LRFN2: variants seen among roughly 807,000 people sequenced by gnomAD.
LRFN2 encodes leucine rich repeat and fibronectin type III domain containing 2.
In LRFN2, 18 loss-of-function variants were observed where a neutral mutation model predicts 37.3. The ratio of observed to expected loss-of-function variants is 0.48; its 90% CI spans 0.33 to 0.72. The LOEUF is 0.72. LRFN2 is among the 30% of genes least tolerant of loss of function. The pLI is 0.02. For missense variants in LRFN2, 1,006 were observed against 1,060.7 expected (o/e 0.95, Z 0.72); for synonymous variants, 556 against 466.6 (o/e 1.19, Z -2.47).
intron 1 of LRFN2, among the ~76,000 whole-genome samples, chr6:40,497,172 T>C (rs1434103646): frequency 6.6e-6 from 1 of 152,190 alleles, no homozygotes; most frequent in African/African-American, 2.4e-5. Flanking sequence ...CTAAGTCCGT[T>C]TGCCTTCTGC....
At chr6:40,547,105 CT>C (rs71307603) in intron 1 of LRFN2, among the ~76,000 whole-genome samples, 4,977 of 139,272 alleles carry the variant, frequency 0.036, 221 homozygotes, top group African/African-American at 0.11. Context: ...TAATGCAAAT[CT>C]TTTTTTTTTT....
chr6:40,468,894 G>A (rs1487655864), intron 1 of LRFN2, among the ~76,000 whole-genome samples: 1 of 152,204 alleles, frequency 6.6e-6, no homozygotes, highest in African/African-American at 2.4e-5. Flanking sequence ...GTGGCATGCA[G>A]GGGACAGGAG....
chr6:40,426,625 A>G (rs191999272), intron 2 of LRFN2, among the ~76,000 whole-genome samples: 2 of 152,324 alleles, frequency 1.3e-5, no homozygotes, highest in African/African-American at 4.8e-5. Flanking sequence ...GCCAATGCCT[A>G]CTTCCATGCA....
At chr6:40,427,282 G>A (rs1407224631) in intron 2 of LRFN2, among the ~76,000 whole-genome samples, 1 of 152,218 alleles carries the variant, frequency 6.6e-6, no homozygotes, top group African/African-American at 2.4e-5. Context: ...TAATCAGTCT[G>A]GTTATTTGAC....
At chr6:40,428,969 A>G (rs1763416306) in intron 2 of LRFN2, among the ~76,000 whole-genome samples, 1 of 152,088 alleles carries the variant, frequency 6.6e-6, no homozygotes, top group African/African-American at 2.4e-5. Context: ...CACTGCTACT[A>G]CTCTGCTACT....
At chr6:40,538,060 C>T (rs2436749) in intron 1 of LRFN2, among the ~76,000 whole-genome samples, 4,256 of 152,264 alleles carry the variant, frequency 0.028, 213 homozygotes, top group African/African-American at 0.097. Flanking sequence ...CAATCACCAA[C>T]GCTCGCCTTG....
chr6:40,561,591 AAG>A (rs1474969521), intron 1 of LRFN2, among the ~76,000 whole-genome samples: 1 of 152,182 alleles, frequency 6.6e-6, no homozygotes, highest in Non-Finnish European at 1.5e-5. Flanking sequence ...CTAGGGAGCA[AAG>A]AGATTCACTG....
In LRFN2 at chr6:40,392,755, G is replaced by T; in HGVS notation, c.1558C>A (p.Pro520Thr). 6.2e-7 allele frequency: 1 copy of T among 1,614,154 alleles called. No individual in the cohort carries two copies. Among genetic ancestry groups the T allele is most frequent in the Non-Finnish European group, 8.5e-7 (1 of 1,180,002 alleles). The change falls in exon 3 of 3, where the codon CCG becomes ACG. Residue 520 changes from proline to threonine, a missense_variant. Pro to Thr is a conservative substitution (Grantham distance 38, BLOSUM62 -1). Around this residue, in one of 4 missense-constraint regions of LRFN2, gnomAD observed 120 missense variants for 178.4 expected, o/e 0.67. Transcript: ENST00000338305. This position sits in a 1 kb window ranked among gnomAD's most constrained non-coding sequence, Gnocchi z 4.7. ...CAQFFTKADYPQCQSMHSQIL... is the reference protein window; with the variant it reads ...CAQFFTKADYTQCQSMHSQIL... ...TGGCTGTGCATGGACTGGCACTGCG[G>T]GTAGTCAGCCTTGGTGAAGAACTGG...
At chr6:40,464,127 T>C (rs1437137973) in intron 1 of LRFN2, among the ~76,000 whole-genome samples, 1 of 152,214 alleles carries the variant, frequency 6.6e-6, no homozygotes, top group Non-Finnish European at 1.5e-5. Flanking sequence ...TTTACCACAC[T>C]GCATTATAAT....
chr6:40,402,049 C>G (rs1229527899), intron 2 of LRFN2, among the ~76,000 whole-genome samples: 1 of 152,166 alleles, frequency 6.6e-6, no homozygotes, highest in East Asian at 1.9e-4. Flanking sequence ...GCCAAGCAGC[C>G]CTTACTCCCA....
chr6:40,548,296 CT>C (rs769002530), intron 1 of LRFN2, among the ~76,000 whole-genome samples: 12 of 152,122 alleles, frequency 7.9e-5, no homozygotes, highest in Non-Finnish European at 1.3e-4. Context: ...AAAAAATTAG[CT>C]GGACATGGTG....
chr6:40,437,224 T>G (rs1198930948), intron 1 of LRFN2, among the ~76,000 whole-genome samples: 1 of 152,090 alleles, frequency 6.6e-6, no homozygotes, highest in African/African-American at 2.4e-5. Context: ...TCCCTCCAGA[T>G]CCTCTCTCCA....
chr6:40,582,367 G>A (rs1417515), intron 1 of LRFN2, among the ~76,000 whole-genome samples: 71,854 of 151,162 alleles, frequency 0.48, 17,630 homozygotes, highest in African/African-American at 0.58. Context: ...TTGCAATCTC[G>A]TATGTTTTTG....
At chr6:40,514,554 A>G (rs561781831) in intron 1 of LRFN2, among the ~76,000 whole-genome samples, 1 of 152,260 alleles carries the variant, frequency 6.6e-6, no homozygotes, top group South Asian at 2.1e-4. Flanking sequence ...ACCTCAGGTG[A>G]TCTGCCCGCC....
intron 1 of LRFN2, among the ~76,000 whole-genome samples, chr6:40,541,004 T>C (rs968793685): frequency 1.3e-5 from 2 of 152,220 alleles, no homozygotes; most frequent in Non-Finnish European, 2.9e-5. Context: ...TATGCTGTTA[T>C]GCTGTGGCCC....
intron 1 of LRFN2, among the ~76,000 whole-genome samples, chr6:40,518,626 T>C (rs1765955784): frequency 6.6e-6 from 1 of 152,170 alleles, no homozygotes; most frequent in South Asian, 2.1e-4. Flanking sequence ...TCATTTCTAA[T>C]GTCCTTACAT....
At chr6:40,399,653 G>T (rs911862423) in intron 2 of LRFN2, among the ~76,000 whole-genome samples, 11 of 151,314 alleles carry the variant, frequency 7.3e-5, no homozygotes, top group Admixed American at 5.9e-4. Flanking sequence ...GCCCACGGTG[G>T]TCTTGAACTC....
chr6:40,498,515 T>C (rs189621891), intron 1 of LRFN2, among the ~76,000 whole-genome samples: 1 of 152,224 alleles, frequency 6.6e-6, no homozygotes, highest in African/African-American at 2.4e-5. Flanking sequence ...CCCATATCTT[T>C]ACAAAAAAAG....
At chr6:40,423,473 A>T (rs75171329) in intron 2 of LRFN2, among the ~76,000 whole-genome samples, 3,225 of 152,302 alleles carry the variant, frequency 0.021, 117 homozygotes, top group African/African-American at 0.073. Flanking sequence ...AGTCCTCACC[A>T]CAATCCTATG....
Sources: gnomAD v4.1 joint callset for allele counts (sites outside exome capture counted in the v4.1 genomes callset) on GRCh38, gnomAD v4.1.1 for gene constraint, gnomAD v4.1.1 regional missense constraint, Gnocchi (gnomAD v3.1) non-coding constraint, MANE v1.5 for transcripts, NCBI Gene and HGNC (gene_info 2026-07-23, HGNC 2026-07-21) for gene names.